TRMT9B: variants seen among roughly 807,000 people sequenced by gnomAD.
TRMT9B encodes the protein probable tRNA methyltransferase 9B.
TRMT9B carries 16 observed loss-of-function variants against 11.5 expected under a neutral mutation model. The observed-to-expected ratio is 1.39, with a 90% confidence interval of 0.94 to 2.11. The LOEUF (loss-of-function observed/expected upper bound fraction) is 2.11. Among genes scored for constraint, TRMT9B ranks in the 30% most tolerant of loss-of-function variants. TRMT9B has a pLI of 0.00. For missense variants in TRMT9B, 941 were observed against 553.8 expected (o/e 1.70, Z -7.02); for synonymous variants, 274 against 192.4 (o/e 1.42, Z -3.51).
At position 13,026,931 on chromosome 8, in the gene TRMT9B, C is replaced by G. The variant is rs767783545; in HGVS notation, c.*4887C>G. 1 of 167,074 alleles carries G rather than the reference C, an allele frequency of 6.0e-6. No individual in the cohort carries two copies. Among genetic ancestry groups the G allele is most frequent in the Non-Finnish European group, 1.5e-5 (1 of 68,108 alleles). The allele number at this position is 167,074 out of a possible 1,614,324, so 10.3% of individuals were successfully genotyped here. ...AGCTAGACAATAATTCAATAGTAGT[C>G]TCTTACATATTTTCCCTTTTATCTT... is the stretch of plus-strand genomic sequence containing the variant. On this transcript the variant is annotated 3_prime_UTR_variant, in exon 5 of 5. Transcript: ENST00000524591.
chr8:12,950,888 C>G (rs991980737), intron 1 of TRMT9B, among the ~76,000 whole-genome samples: 1 of 152,140 alleles, frequency 6.6e-6, no homozygotes, highest in Non-Finnish European at 1.5e-5. Context: ...AACTCTGCCC[C>G]CTACGCTGGG....
intron 1 of TRMT9B, among the ~76,000 whole-genome samples, chr8:12,981,151 G>C (rs1291298287): frequency 6.6e-6 from 1 of 152,148 alleles, no homozygotes; most frequent in Non-Finnish European, 1.5e-5. Flanking sequence ...AAAGGAGCTT[G>C]TGCTGGAATA....
Position 12,990,830 on chromosome 8 carries a change from A to G in TRMT9B, c.-199-4A>G. On this transcript the variant is annotated splice_region_variant and splice_polypyrimidine_tract_variant and intron_variant, in intron 1 of 4. Coordinates refer to ENST00000524591, the MANE Select transcript of TRMT9B (RefSeq NM_020844.3). Reference sequence around the variant, plus strand: ...ACATTTAGTATTTGTTTTCTTCCTGATAGGGCCTGTGCTTCCTTCAGAGAC... The same window carrying G: ...ACATTTAGTATTTGTTTTCTTCCTGGTAGGGCCTGTGCTTCCTTCAGAGAC... The G allele has an allele frequency of 7.8e-7, 1 of 1,288,472 alleles. No homozygotes were observed. The highest frequency in any genetic ancestry group is 1.0e-6 in the Non-Finnish European group (1 of 987,870). 79.8% of individuals were successfully genotyped at this position (1,288,472 alleles called of 1,614,324 possible).
intron 4 of TRMT9B, among the ~76,000 whole-genome samples, chr8:13,015,585 C>G (rs966895025): frequency 1.3e-4 from 20 of 152,008 alleles, no homozygotes; most frequent in African/African-American, 4.8e-4. Context: ...AAGTCCAGGG[C>G]TCAACCAGTC....
At chr8:13,015,446 G>T (rs1015058405) in intron 4 of TRMT9B, among the ~76,000 whole-genome samples, 3 of 151,960 alleles carry the variant, frequency 2.0e-5, no homozygotes, top group Non-Finnish European at 4.4e-5. Context: ...CTACCTCCTG[G>T]TCTCAGGTTA....
intron 1 of TRMT9B, among the ~76,000 whole-genome samples, chr8:12,988,919 C>G (rs1033546409): frequency 1.3e-5 from 2 of 152,156 alleles, no homozygotes; most frequent in Non-Finnish European, 2.9e-5. Flanking sequence ...TTCTACTGCA[C>G]TTTAATTTTC....
intron 4 of TRMT9B, among the ~76,000 whole-genome samples, chr8:13,017,661 T>A (rs764650357): frequency 2.4e-4 from 35 of 144,856 alleles, no homozygotes; most frequent in Non-Finnish European, 3.6e-4. Context: ...TCACCCAGGT[T>A]GGAGTACAGT....
rs749084984 is a variant in TRMT9B at position 13,012,757 on chromosome 8, G to T, written c.228G>T (p.Leu76=). 2 of 1,613,976 alleles carry T rather than the reference G, an allele frequency of 1.2e-6. No individual in the cohort carries two copies. Among genetic ancestry groups the T allele is most frequent in the East Asian group, 4.5e-5 (2 of 44,878 alleles). ...TGGGCTGTGACTACTGTGGGCCACT[G>T]GTAGAGATTGCCCGGAATAGAGGAT... ...HTVGCDYCGP[L]VEIARNRGCE... is the part of the protein sequence containing the mutation. Residue 76 remains leucine (L), a synonymous_variant, in exon 4 of 5, where the codon CTG becomes CTT. Transcript: ENST00000524591.
chr8:12,954,883 C>T (rs1801099675), intron 1 of TRMT9B, among the ~76,000 whole-genome samples: 1 of 152,124 alleles, frequency 6.6e-6, no homozygotes, highest in Non-Finnish European at 1.5e-5. Flanking sequence ...ACTAGATCAC[C>T]TGGATTAAAA....
chr8:12,995,267 C>T (rs1027438398), intron 2 of TRMT9B, among the ~76,000 whole-genome samples: 3 of 152,182 alleles, frequency 2.0e-5, no homozygotes, highest in African/African-American at 7.2e-5. Flanking sequence ...CAGTTAGAAG[C>T]AGTCAAAATG....
intron 1 of TRMT9B, among the ~76,000 whole-genome samples, chr8:12,947,923 G>A (rs1249456190): frequency 6.6e-6 from 1 of 152,194 alleles, no homozygotes; most frequent in Non-Finnish European, 1.5e-5. Flanking sequence ...CAGTGAGTAA[G>A]GCAGGCATTC....
chr8:13,018,877 G>A (rs1325978106), intron 4 of TRMT9B, among the ~76,000 whole-genome samples: 7 of 152,244 alleles, frequency 4.6e-5, no homozygotes, highest in South Asian at 4.2e-4. Flanking sequence ...GTTTGGAGGC[G>A]ATTTCAAATA....
chr8:13,001,614 A>G (rs1809471672), intron 2 of TRMT9B, among the ~76,000 whole-genome samples: 1 of 152,328 alleles, frequency 6.6e-6, no homozygotes, highest in East Asian at 1.9e-4. Context: ...ACAGAATATT[A>G]TTTCCTAAAA....
intron 4 of TRMT9B, among the ~76,000 whole-genome samples, chr8:13,015,423 G>T (rs987575112): frequency 5.3e-5 from 8 of 152,046 alleles, no homozygotes; most frequent in Non-Finnish European, 1.0e-4. Context: ...TGGTTGGAGT[G>T]CAATGGCAGC....
At chr8:12,990,491 T>C (rs1355118939) in intron 1 of TRMT9B, among the ~76,000 whole-genome samples, 1 of 152,246 alleles carries the variant, frequency 6.6e-6, no homozygotes, top group East Asian at 1.9e-4. Flanking sequence ...AATGATTTAG[T>C]ACAATTTAGT....
chr8:12,996,670 A>G (rs185780174), intron 2 of TRMT9B, among the ~76,000 whole-genome samples: 2 of 152,340 alleles, frequency 1.3e-5, no homozygotes, highest in Admixed American at 1.3e-4. Flanking sequence ...TAAAGTACAT[A>G]ACAAGGCAAC....
At chr8:13,009,924 C>T (rs1158400458) in intron 3 of TRMT9B, among the ~76,000 whole-genome samples, 2 of 151,880 alleles carry the variant, frequency 1.3e-5, no homozygotes, top group Non-Finnish European at 1.5e-5. Flanking sequence ...CTCAGGAGTT[C>T]GAGACCAGCC....
In TRMT9B at chr8:13,010,863, C is replaced by G. The variant is rs935643575; in HGVS notation, c.155-1821C>G. The G allele has an allele frequency of 3.7e-5, 36 of 978,374 alleles. No individual in the cohort carries two copies. The African/African-American group carries it at 6.1e-4, about 17-fold the overall frequency. The allele number at this position is 978,374 out of a possible 1,614,324, so 60.6% of individuals were successfully genotyped here. A position where few individuals can be genotyped will look rare whatever the true frequency, so the allele number is the denominator to read the frequency against. Reference sequence around the variant, plus strand: ...ATTATATTTTCCCCATGATTGCCTTCAAACAGAGGGTACTTTTTCTCATAA... The same window carrying G: ...ATTATATTTTCCCCATGATTGCCTTGAAACAGAGGGTACTTTTTCTCATAA... On this transcript the variant is annotated intron_variant, in intron 3 of 4. Coordinates refer to ENST00000524591, the MANE Select transcript of TRMT9B (RefSeq NM_020844.3).
In TRMT9B at chr8:13,021,553, T is replaced by A. The variant is rs503550; in HGVS notation, c.874T>A (p.Leu292Ile). The A allele has an allele frequency of 6.2e-7, 1 of 1,613,714 alleles. No individual in the cohort carries two copies. The highest frequency in any genetic ancestry group is 1.1e-5 in the South Asian group (1 of 91,074). The change falls in exon 5 of 5, where the codon TTA becomes ATA. Residue 292 changes from leucine to isoleucine, a missense_variant. Coordinates refer to ENST00000524591, the MANE Select transcript of TRMT9B (RefSeq NM_020844.3). ...AGTCCAGCCTTCCAGACACTCTAGT[T>A]TAGACTTTGATCACCAAGAGCCATT... Reference protein sequence around the residue: ...VTVQPSRHSSLDFDHQEPFST... With the variant: ...VTVQPSRHSSIDFDHQEPFST...
Sources: gnomAD v4.1 joint callset for allele counts (sites outside exome capture counted in the v4.1 genomes callset) on GRCh38, gnomAD v4.1.1 for gene constraint, MANE v1.5 for transcripts, NCBI Gene and HGNC (gene_info 2026-07-23, HGNC 2026-07-21) for gene names.